PPM1K: variants seen among roughly 807,000 people sequenced by gnomAD.
PPM1K encodes protein phosphatase, Mg2+/Mn2+ dependent 1K, also known as protein phosphatase Mn(2+)-dependent 1K.
In PPM1K, 19 loss-of-function variants were observed where a neutral mutation model predicts 32.6. The ratio of observed to expected loss-of-function variants is 0.58; its 90% CI spans 0.41 to 0.86. The LOEUF (loss-of-function observed/expected upper bound fraction) is 0.86. Ranked by LOEUF, PPM1K falls within the 40% of genes least tolerant of loss-of-function variation. The pLI is 0.00. For missense variants in PPM1K, 362 were observed against 461.2 expected, an observed-to-expected ratio of 0.78 and a Z score of 1.97; for synonymous variants, 159 against 165.3, an observed-to-expected ratio of 0.96 and a Z score of 0.29.
chr4:88,268,464 A>AG, intron 4 of PPM1K, 130 bp from the exon 5 acceptor site: 2 of 1,080,024 alleles, frequency 1.9e-6, no homozygotes, highest in Non-Finnish European at 2.7e-6. Flanking sequence ...CTACTAAAAA[A>AG]CAAAAAATTA....
rs1222251155 is a variant in PPM1K at position 88,258,953 on chromosome 4, GGCGGACGC to G, written c.*3634_*3641del. 1 of 152,058 alleles carries G rather than the reference GGCGGACGC, an allele frequency of 6.6e-6. No individual in the cohort carries two copies. The highest frequency in any genetic ancestry group is 1.9e-4 in the East Asian group (1 of 5,144). 9.4% of individuals were successfully genotyped at this position (152,058 alleles called of 1,614,324 possible). A position where few individuals can be genotyped will look rare whatever the true frequency, so the allele number is the denominator to read the frequency against. On this transcript the variant is annotated 3_prime_UTR_variant, in exon 7 of 7. Coordinates refer to ENST00000608933, the MANE Select transcript of PPM1K (RefSeq NM_152542.5). The stretch of plus-strand genomic sequence containing the variant: ...TACAAAAAAATTAGCCGGGCACGGT[GGCGGACGC>G]CTGTAATTCCAGCTACTCGGGAGGC...
intron 1 of PPM1K, chr4:88,279,547 C>T (rs777173016): frequency 2.0e-5 from 3 of 151,988 alleles, no homozygotes; most frequent in Non-Finnish European, 4.4e-5. Flanking sequence ...CTTTCCCCAA[C>T]CCTAACAACC....
intron 3 of PPM1K, among the ~76,000 whole-genome samples, chr4:88,271,474 GA>G (rs1731554553): frequency 6.6e-6 from 1 of 152,030 alleles, no homozygotes; most frequent in Admixed American, 6.6e-5. Context: ...TTCTAAGGTT[GA>G]AAAAACTATA....
chr4:88,272,090 C>G (rs895409824), intron 3 of PPM1K, among the ~76,000 whole-genome samples: 5 of 152,134 alleles, frequency 3.3e-5, no homozygotes, highest in African/African-American at 1.2e-4. Flanking sequence ...CTAGTAATTA[C>G]TCAATTGTGT....
In PPM1K at chr4:88,268,962, T is replaced by C; in HGVS notation, c.542-56A>G. 8 of 1,438,124 alleles carry C rather than the reference T, an allele frequency of 5.6e-6. No homozygotes were observed. The South Asian group carries it at 6.4e-5, about 11-fold the overall frequency. The allele number at this position is 1,438,124 out of a possible 1,614,324, so 89.1% of individuals were successfully genotyped here. A position where few individuals can be genotyped will look rare whatever the true frequency, so the allele number is the denominator to read the frequency against. ...TTAGTGACAGTCAAATGATTGGATATGGAATTTTTATTACAAAATAAAACA... is the reference window on the plus strand; with the variant it reads ...TTAGTGACAGTCAAATGATTGGATACGGAATTTTTATTACAAAATAAAACA... On this transcript the variant is annotated intron_variant, in intron 3 of 6. Transcript: ENST00000608933.
intron 6 of PPM1K, 77 bp from the exon 7 acceptor site, chr4:88,262,803 C>G: frequency 1.4e-6 from 2 of 1,478,696 alleles, no homozygotes; most frequent in Non-Finnish European, 1.8e-6. Context: ...CCTTTCCTTC[C>G]CTTGGAAATA....
intron 3 of PPM1K, chr4:88,270,994 A>G: frequency 2.1e-6 from 1 of 478,082 alleles, no homozygotes; most frequent in South Asian, 1.6e-5. Flanking sequence ...AGTTCTTAAC[A>G]CTCACTGGAC....
At chr4:88,266,394 G>A (rs1210869920) in intron 5 of PPM1K, among the ~76,000 whole-genome samples, 1 of 152,088 alleles carries the variant, frequency 6.6e-6, no homozygotes, top group Admixed American at 6.5e-5. Flanking sequence ...TGGCTGATTG[G>A]GTGCAGGTGA....
rs1731409956 is a variant in PPM1K, at chr4:88,268,174, G to T, written c.852+16C>A. 9.9e-6 allele frequency: 16 copies of T among 1,613,408 alleles called. No individual in the cohort carries two copies. The highest frequency in any genetic ancestry group is 1.4e-5 in the Non-Finnish European group (16 of 1,179,504). On this transcript the variant is annotated intron_variant, in intron 5 of 6. Transcript: ENST00000608933. ...CTCTCCGCAGGTTTATCAAGTGTTT[G>T]CAGGTCCTTTCTTACCTTAATCCTC...
chr4:88,277,821 T>C, intron 2 of PPM1K: 1 of 320,428 alleles, frequency 3.1e-6, no homozygotes, highest in East Asian at 6.5e-5. Flanking sequence ...ACTGAAGCAC[T>C]TATCTGTCCT....
rs1731041443 is a variant in PPM1K, at chr4:88,259,439, TAGAA to T, written c.*3152_*3155del. The T allele has an allele frequency of 6.6e-6, 1 of 152,220 alleles. No homozygotes were observed. Among genetic ancestry groups the T allele is most frequent in the Non-Finnish European group, 1.5e-5 (1 of 68,038 alleles). 9.4% of individuals were successfully genotyped at this position (152,220 alleles called of 1,614,324 possible). On this transcript the variant is annotated 3_prime_UTR_variant, in exon 7 of 7. Coordinates refer to ENST00000608933, the MANE Select transcript of PPM1K (RefSeq NM_152542.5). ...TGGCAAATAGTTTGGCAACACATAT[TAGAA>T]AGGTGATTTCTATACTACACATAAA...
chr4:88,268,830 A>G lies in PPM1K; in HGVS notation c.618T>C (p.Val206=). The G allele has an allele frequency of 6.2e-7, 1 of 1,614,044 alleles. No homozygotes were observed. Among genetic ancestry groups the G allele is most frequent in the Non-Finnish European group, 8.5e-7 (1 of 1,179,932 alleles). The change falls in exon 4 of 7, where the codon GTT becomes GTC. Residue 206 remains valine, a synonymous_variant. Transcript: ENST00000608933. ...TACACAAAATAGCCCGGCTGTCCCC[A>G]ACACTGGCTACAACCAGTTCAATAC... ...RDGIELVVAS[V]GDSRAILCRK...
At position 88,276,635 on chromosome 4, in the gene PPM1K, C is replaced by G. The variant is rs1034424743; in HGVS notation, c.541+508G>C. 7 of 984,744 alleles carry G rather than the reference C, an allele frequency of 7.1e-6. No homozygotes were observed. The African/African-American group carries it at 1.0e-4, about 15-fold the overall frequency. The allele number at this position is 984,744 out of a possible 1,614,324, so 61.0% of individuals were successfully genotyped here. A position where few individuals can be genotyped will look rare whatever the true frequency, so the allele number is the denominator to read the frequency against. On this transcript the variant is annotated intron_variant, in intron 3 of 6. Coordinates refer to ENST00000608933, the MANE Select transcript of PPM1K (RefSeq NM_152542.5). ...GAAGTGACAGAAAAATATTTTCCTT[C>G]TAGTTATACAAATTAGTGCATATTA...
chr4:88,265,824 A>C (rs144611474), intron 5 of PPM1K, among the ~76,000 whole-genome samples: 5 of 152,328 alleles, frequency 3.3e-5, no homozygotes, highest in African/African-American at 9.6e-5. Flanking sequence ...ATCTTGATTT[A>C]ATTCCATAAT....
At chr4:88,267,148 CTGAT>C (rs1442765261) in intron 5 of PPM1K, among the ~76,000 whole-genome samples, 3 of 138,612 alleles carry the variant, frequency 2.2e-5, no homozygotes, top group Non-Finnish European at 4.6e-5. Flanking sequence ...GTGATGCTGG[CTGAT>C]TGGGTGCAGA....
intron 1 of PPM1K, among the ~76,000 whole-genome samples, chr4:88,283,239 G>A (rs114375682): frequency 0.018 from 2,749 of 152,250 alleles, 35 homozygotes; most frequent in East Asian, 0.032. Flanking sequence ...CTCAGCCTCC[G>A]GGGCTGGGAC....
chr4:88,263,062 G>A (rs540757105), intron 6 of PPM1K, among the ~76,000 whole-genome samples: 2 of 152,206 alleles, frequency 1.3e-5, no homozygotes, highest in African/African-American at 4.8e-5. Context: ...AGCATTCAGC[G>A]TAGGGAGTAA....
chr4:88,272,115 A>G (rs1731581247), intron 3 of PPM1K, among the ~76,000 whole-genome samples: 1 of 152,228 alleles, frequency 6.6e-6, no homozygotes, highest in East Asian at 1.9e-4. Flanking sequence ...AATACTATGT[A>G]TAAACCAATA....
rs978758049 is a variant in PPM1K, at chr4:88,258,347, T to G, written c.*4248A>C. 2 of 151,960 alleles carry G rather than the reference T, an allele frequency of 1.3e-5. No individual in the cohort carries two copies. The highest frequency in any genetic ancestry group is 4.8e-5 in the African/African-American group (2 of 41,396). 9.4% of individuals were successfully genotyped at this position (151,960 alleles called of 1,614,324 possible). A position where few individuals can be genotyped will look rare whatever the true frequency, so the allele number is the denominator to read the frequency against. On this transcript the variant is annotated 3_prime_UTR_variant, in exon 7 of 7. Coordinates refer to ENST00000608933, the MANE Select transcript of PPM1K (RefSeq NM_152542.5). ...TAAAAATAAAATTTCACTTAAAAAA[T>G]AATTTCCTAGGAGGGCACAGTGCTG...
Sources: gnomAD v4.1 joint callset for allele counts (sites outside exome capture counted in the v4.1 genomes callset) on GRCh38, gnomAD v4.1.1 for gene constraint, MANE v1.5 for transcripts, NCBI Gene and HGNC (gene_info 2026-07-23, HGNC 2026-07-21) for gene names.